The following CCDC178 variants were observed in gnomAD, a reference collection of about 807,000 sequenced individuals.
The protein encoded by CCDC178 is coiled-coil domain containing 178, also known as coiled-coil domain-containing protein 178.
In CCDC178, 126 loss-of-function variants were observed where a neutral mutation model predicts 117.4. The ratio of observed to expected loss-of-function variants is 1.07; its 90% CI spans 0.93 to 1.24. CCDC178 has a LOEUF of 1.24. Among genes scored for constraint, CCDC178 ranks in the 50% most tolerant of loss-of-function variants. The pLI, the probability that CCDC178 is intolerant of heterozygous loss-of-function variation, is 0.00. For missense variants in CCDC178, 1,030 were observed against 986.9 expected (o/e 1.04, Z -0.59); for synonymous variants, 283 against 313.4 (o/e 0.90, Z 1.02).
chr18:33,369,365 A>G (rs925707177), intron 6 of CCDC178, among the ~76,000 whole-genome samples: 4 of 152,034 alleles, frequency 2.6e-5, no homozygotes, highest in South Asian at 2.1e-4. Context: ...GTGGCCCATC[A>G]GAATGTTTGC....
chr18:33,228,763 T>C (rs951788003), intron 15 of CCDC178, among the ~76,000 whole-genome samples: 6 of 152,156 alleles, frequency 3.9e-5, no homozygotes, highest in African/African-American at 1.4e-4. Flanking sequence ...AATTGCATAC[T>C]TACACAAGAC....
chr18:33,410,824 C>T (rs2063840138), intron 3 of CCDC178, among the ~76,000 whole-genome samples: 1 of 152,128 alleles, frequency 6.6e-6, no homozygotes, highest in Non-Finnish European at 1.5e-5. Context: ...AATGATAGGG[C>T]ACCAGTTCTG....
At chr18:33,185,078 A>G (rs2058774428) in intron 20 of CCDC178, among the ~76,000 whole-genome samples, 1 of 152,022 alleles carries the variant, frequency 6.6e-6, no homozygotes, top group Admixed American at 6.6e-5. Flanking sequence ...GCCATCTAAT[A>G]TCTTTCAGGT....
At chr18:33,373,959 T>A (rs1048278286) in intron 5 of CCDC178, among the ~76,000 whole-genome samples, 3 of 152,108 alleles carry the variant, frequency 2.0e-5, no homozygotes, top group Non-Finnish European at 4.4e-5. Context: ...AGACAACTGA[T>A]TTTGGACTTT....
chr18:33,141,865 C>G (rs2058209408), intron 20 of CCDC178, among the ~76,000 whole-genome samples: 1 of 152,136 alleles, frequency 6.6e-6, no homozygotes, highest in African/African-American at 2.4e-5. Flanking sequence ...TTCCCCACCT[C>G]CCTTCTTCTT....
intron 20 of CCDC178, 33 bp from the exon 21 acceptor site, chr18:33,092,943 G>T: frequency 1.6e-6 from 2 of 1,261,254 alleles, no homozygotes; most frequent in Non-Finnish European, 2.2e-6. Flanking sequence ...TGAATTGTGT[G>T]TATATATATA....
intron 21 of CCDC178, among the ~76,000 whole-genome samples, chr18:33,079,588 A>G (rs2057265407): frequency 1.4e-5 from 2 of 146,864 alleles, no homozygotes. Context: ...CAAGCCAAAA[A>G]CAAACAACCC....
At chr18:33,427,306 A>G (rs887140524) in intron 2 of CCDC178, among the ~76,000 whole-genome samples, 2 of 152,134 alleles carry the variant, frequency 1.3e-5, no homozygotes, top group African/African-American at 4.8e-5. Context: ...GTAACTTAAT[A>G]GGAGACAAGA....
At chr18:33,359,522 T>A (rs2063099310) in intron 6 of CCDC178, among the ~76,000 whole-genome samples, 1 of 151,650 alleles carries the variant, frequency 6.6e-6, no homozygotes, top group Non-Finnish European at 1.5e-5. Context: ...ATTTGAAGTC[T>A]TATATTCATA....
intron 22 of CCDC178, among the ~76,000 whole-genome samples, chr18:32,951,707 C>T (rs536629733): frequency 7.8e-4 from 119 of 152,312 alleles, no homozygotes; most frequent in Middle Eastern, 3.4e-3. Flanking sequence ...AACAGTCCCC[C>T]AAAGTCTTAA....
intron 20 of CCDC178, among the ~76,000 whole-genome samples, chr18:33,174,500 A>C (rs973540910): frequency 6.6e-6 from 1 of 152,210 alleles, no homozygotes; most frequent in African/African-American, 2.4e-5. Flanking sequence ...AGGACTATGA[A>C]TGAGGACAGA....
chr18:33,429,697 G>A (rs1185433398), intron 2 of CCDC178, among the ~76,000 whole-genome samples: 1 of 152,168 alleles, frequency 6.6e-6, no homozygotes, highest in East Asian at 1.9e-4. Flanking sequence ...AATAACAAAT[G>A]TAAAGAAAAA....
At chr18:32,951,834 T>C (rs888435350) in intron 22 of CCDC178, among the ~76,000 whole-genome samples, 3 of 152,088 alleles carry the variant, frequency 2.0e-5, no homozygotes, top group African/African-American at 7.2e-5. Flanking sequence ...CTAGATACAA[T>C]GGGGGTACAG....
intron 21 of CCDC178, among the ~76,000 whole-genome samples, chr18:32,976,259 AGTCAAT>A (rs1284519995): frequency 6.6e-6 from 1 of 152,134 alleles, no homozygotes; most frequent in Admixed American, 6.6e-5. Context: ...CAAGCCTGAC[AGTCAAT>A]GTGGGGAGGT....
chr18:33,020,474 A>G (rs2056091986), intron 21 of CCDC178, among the ~76,000 whole-genome samples: 1 of 152,222 alleles, frequency 6.6e-6, no homozygotes, highest in Non-Finnish European at 1.5e-5. Flanking sequence ...CTACTTGTGA[A>G]TACTAAAAAT....
intron 21 of CCDC178, among the ~76,000 whole-genome samples, chr18:32,981,690 G>A (rs557635817): frequency 6.6e-6 from 1 of 152,026 alleles, no homozygotes; most frequent in Non-Finnish European, 1.5e-5. Context: ...TATAAAAATG[G>A]CTTTTTGTAC....
At chr18:33,317,636 A>G (rs1008014783) in intron 11 of CCDC178, among the ~76,000 whole-genome samples, 1 of 152,100 alleles carries the variant, frequency 6.6e-6, no homozygotes, top group African/African-American at 2.4e-5. Context: ...CTTTCCTGTA[A>G]CAATATTAAC....
intron 10 of CCDC178, chr18:33,328,044 T>C: frequency 2.6e-6 from 1 of 382,094 alleles, no homozygotes; most frequent in Non-Finnish European, 5.0e-6. Flanking sequence ...TATCTAAGAA[T>C]CCATTTCCAA....
At chr18:33,109,061 G>C (rs1409802029) in intron 20 of CCDC178, among the ~76,000 whole-genome samples, 1 of 151,550 alleles carries the variant, frequency 6.6e-6, no homozygotes, top group Non-Finnish European at 1.5e-5. Context: ...GCATAACTGG[G>C]TCCAGCCTGC....
Sources: gnomAD v4.1 joint callset for allele counts (sites outside exome capture counted in the v4.1 genomes callset) on GRCh38, gnomAD v4.1.1 for gene constraint, MANE v1.5 for transcripts, NCBI Gene and HGNC (gene_info 2026-07-23, HGNC 2026-07-21) for gene names.